Variants in KCNIP3 observed in about 807,000 individuals in gnomAD.
KCNIP3 encodes the protein calsenilin.
In KCNIP3, 28 loss-of-function variants were observed where a neutral mutation model predicts 35.0. The observed-to-expected ratio is 0.80, with a 90% CI of 0.59 to 1.10. The LOEUF (loss-of-function observed/expected upper bound fraction) is 1.10. KCNIP3 is among the 50% of genes least tolerant of loss of function. KCNIP3 has a pLI of 0.00. For missense variants in KCNIP3, 295 were observed against 338.4 expected, an observed-to-expected ratio of 0.87 and a Z score of 1.01; for synonymous variants, 134 against 133.8, an observed-to-expected ratio of 1.00 and a Z score of -0.01.
rs187444782 is a variant in KCNIP3, at chr2:95,371,953, C to T, written c.182-2343C>T. Among the ~76,000 whole-genome samples, 82 of 151,918 alleles carry T rather than the reference C, an allele frequency of 5.4e-4. 1 individual carries two copies. The highest frequency in any genetic ancestry group is 1.9e-3 in the African/African-American group (77 of 41,424). On this transcript the variant is annotated intron_variant, in intron 2 of 8. Transcript: ENST00000295225. ...CTGAGTAGCTGGGATTACAGGTGCCCGCCACTGCACCCGGCTCATTTTTGT... is the reference window on the plus strand; with the variant it reads ...CTGAGTAGCTGGGATTACAGGTGCCTGCCACTGCACCCGGCTCATTTTTGT...
chr2:95,362,726 C>T (rs1679830209), intron 2 of KCNIP3, among the ~76,000 whole-genome samples: 1 of 152,070 alleles, frequency 6.6e-6, no homozygotes, highest in South Asian at 2.1e-4. Context: ...ACAGATGAAG[C>T]TTCACTTGCT....
intron 2 of KCNIP3, among the ~76,000 whole-genome samples, chr2:95,358,389 C>T (rs939805493): frequency 2.1e-4 from 32 of 152,208 alleles, no homozygotes; most frequent in African/African-American, 6.8e-4. Flanking sequence ...GAGACTTTTA[C>T]ACACTGGGAA....
At chr2:95,374,681 A>G (rs1680129037) in intron 3 of KCNIP3, among the ~76,000 whole-genome samples, 167 bp from the exon 4 acceptor site, 1 of 151,984 alleles carries the variant, frequency 6.6e-6, no homozygotes, top group South Asian at 2.1e-4. Flanking sequence ...CCTCCCTCTC[A>G]CCCCACCTCT....
At chr2:95,365,102 G>C (rs1679886900) in intron 2 of KCNIP3, among the ~76,000 whole-genome samples, 1 of 149,050 alleles carries the variant, frequency 6.7e-6, no homozygotes, top group African/African-American at 2.5e-5. Context: ...AATTTACCTA[G>C]TCTCAGGTAT....
intron 2 of KCNIP3, among the ~76,000 whole-genome samples, chr2:95,342,710 T>C (rs1008087259): frequency 2.0e-5 from 3 of 152,186 alleles, no homozygotes; most frequent in African/African-American, 2.4e-5. Flanking sequence ...TTATCTACTA[T>C]AATCGCCTGC....
chr2:95,315,293 T>C (rs553889203), intron 2 of KCNIP3, among the ~76,000 whole-genome samples: 105 of 152,258 alleles, frequency 6.9e-4, no homozygotes, highest in Non-Finnish European at 9.7e-4. Context: ...TGCAGCCTGA[T>C]CGGCCCAGGG....
chr2:95,346,629 G>A (rs1177702980), intron 2 of KCNIP3: 1 of 144,810 alleles, frequency 6.9e-6, no homozygotes, highest in Non-Finnish European at 1.5e-5. Context: ...CCCGCGCCCC[G>A]GCGCCCGCGG....
chr2:95,349,104 G>T (rs1236971586), intron 2 of KCNIP3, among the ~76,000 whole-genome samples: 1 of 150,444 alleles, frequency 6.6e-6, no homozygotes, highest in Non-Finnish European at 1.5e-5. Flanking sequence ...CCCGCCCCCC[G>T]TCAGAGGGAG....
chr2:95,324,862 G>A (rs1678697981), intron 2 of KCNIP3, among the ~76,000 whole-genome samples: 1 of 152,178 alleles, frequency 6.6e-6, no homozygotes, highest in Non-Finnish European at 1.5e-5. Flanking sequence ...AATGAGCTGA[G>A]ATGGCGCCAC....
chr2:95,310,319 A>C (rs1678278338), intron 1 of KCNIP3, 36 bp from the exon 2 acceptor site: 2 of 1,612,762 alleles, frequency 1.2e-6, no homozygotes, highest in South Asian at 2.2e-5. Flanking sequence ...CCCTCTGAGC[A>C]GGGGCTCAGG....
At chr2:95,309,778 C>T (rs1678265592) in intron 1 of KCNIP3, among the ~76,000 whole-genome samples, 1 of 152,210 alleles carries the variant, frequency 6.6e-6, no homozygotes, top group African/African-American at 2.4e-5. Context: ...GACTCTCCTG[C>T]CCATAGCTGG....
intron 2 of KCNIP3, among the ~76,000 whole-genome samples, chr2:95,354,731 C>T (rs1405510741): frequency 6.6e-6 from 1 of 152,226 alleles, no homozygotes; most frequent in Admixed American, 6.5e-5. Context: ...TCTGCAGCTA[C>T]CTCTTGGCTT....
At position 95,330,902 on chromosome 2, in the gene KCNIP3, A is replaced by G. The variant is rs190225126; in HGVS notation, c.181+20382A>G. Among the ~76,000 whole-genome samples, 332 of 152,324 alleles carry G rather than the reference A, an allele frequency of 2.2e-3. 1 individual carries two copies. Among genetic ancestry groups the G allele is most frequent in the Non-Finnish European group, 3.9e-3 (263 of 68,036 alleles). On this transcript the variant is annotated intron_variant, in intron 2 of 8. Coordinates refer to ENST00000295225, the MANE Select transcript of KCNIP3 (RefSeq NM_013434.5). Reference sequence around the variant, plus strand: ...ATAAAATGAGATTGATGAGTAAACGATATATTGCAAGGGAATAGGGCTGCA... The same window carrying G: ...ATAAAATGAGATTGATGAGTAAACGGTATATTGCAAGGGAATAGGGCTGCA...
At chr2:95,327,209 G>T (rs753524817) in intron 2 of KCNIP3, among the ~76,000 whole-genome samples, 2 of 152,132 alleles carry the variant, frequency 1.3e-5, no homozygotes, top group Non-Finnish European at 2.9e-5. Context: ...CCTGATGATG[G>T]TGCCTTACAC....
chr2:95,382,338 C>T lies in KCNIP3; in HGVS notation c.556-39C>T. ...CTCCCTTTGGGCCCTCACAGCCACCCCGGCCTTGCAGCAGGCTCATGCCAG... is the reference window on the plus strand; with the variant it reads ...CTCCCTTTGGGCCCTCACAGCCACCTCGGCCTTGCAGCAGGCTCATGCCAG... On this transcript the variant is annotated intron_variant, in intron 6 of 8. Transcript: ENST00000295225. The surrounding 1 kb of genome is among the most constrained non-coding windows in gnomAD (Gnocchi z 4.5). 1 of 1,440,296 alleles carries T rather than the reference C, an allele frequency of 6.9e-7. No individual in the cohort carries two copies. The highest frequency in any genetic ancestry group is 1.3e-5 in the South Asian group (1 of 74,708). The allele number at this position is 1,440,296 out of a possible 1,614,324, so 89.2% of individuals were successfully genotyped here.
At chr2:95,308,360 C>T (rs1442015178) in intron 1 of KCNIP3, among the ~76,000 whole-genome samples, 4 of 152,188 alleles carry the variant, frequency 2.6e-5, no homozygotes, top group African/African-American at 9.7e-5. Flanking sequence ...TGGATGATGA[C>T]TGTGAGCTGG....
intron 2 of KCNIP3, among the ~76,000 whole-genome samples, chr2:95,365,350 C>T (rs556340263): frequency 2.6e-5 from 4 of 152,056 alleles, no homozygotes; most frequent in Non-Finnish European, 4.4e-5. Context: ...TTAGTAGAGA[C>T]GGGGTTTCGC....
In KCNIP3 at chr2:95,367,970, C is replaced by T. The variant is rs535321453; in HGVS notation, c.182-6326C>T. On this transcript the variant is annotated intron_variant, in intron 2 of 8. Coordinates refer to ENST00000295225, the MANE Select transcript of KCNIP3 (RefSeq NM_013434.5). ...AGAGACAGGGTTTCGCCATGTTGGC[C>T]AGGCTGGTCTCGAACTCCTGACCTC... 1.8e-4 allele frequency among the ~76,000 whole-genome samples: 27 copies of T among 152,300 alleles called. No homozygotes were observed. In the East Asian group the frequency reaches 2.3e-3, roughly 13 times the overall value.
chr2:95,381,849 T>C (rs1213476434), intron 6 of KCNIP3, 146 bp downstream of exon 6: 1 of 648,128 alleles, frequency 1.5e-6, no homozygotes, highest in African/African-American at 1.8e-5. Context: ...CAGCAGCCAG[T>C]GGGCTCTCCT....
Sources: allele counts gnomAD v4.1 joint callset (sites outside exome capture counted in the v4.1 genomes callset), GRCh38; gene constraint gnomAD v4.1.1; non-coding constraint Gnocchi (gnomAD v3.1); transcripts MANE v1.5; gene names NCBI Gene and HGNC (gene_info 2026-07-23, HGNC 2026-07-21).